The following WDR49 variants were observed in gnomAD, a reference collection of about 807,000 sequenced individuals.
WDR49 encodes the protein WD repeat domain 49, also known as cilia- and flagella-associated protein 337.
Under a neutral mutation model 119.5 loss-of-function variants are expected in WDR49, and 107 were observed. The ratio of observed to expected loss-of-function variants is 0.90; its 90% CI spans 0.77 to 1.05. The LOEUF is 1.05. Ranked by LOEUF, WDR49 falls within the 50% of genes least tolerant of loss-of-function variation. WDR49 has a pLI of 0.00. For synonymous variants in WDR49, 425 were observed against 418.8 expected (o/e 1.01, Z -0.18); for missense variants, 1,240 against 1,220.5 (o/e 1.02, Z -0.24).
intron 3 of WDR49, among the ~76,000 whole-genome samples, chr3:167,622,393 A>G (rs188589127): frequency 1.3e-5 from 2 of 152,154 alleles, no homozygotes; most frequent in East Asian, 3.9e-4. Flanking sequence ...AAAGAAAGAA[A>G]GAAACAAATG....
intron 15 of WDR49, among the ~76,000 whole-genome samples, chr3:167,523,789 C>G (rs1383716869): frequency 6.6e-6 from 1 of 152,108 alleles, no homozygotes; most frequent in African/African-American, 2.4e-5. Flanking sequence ...TTTTTCTGGT[C>G]TATCATTGAT....
At chr3:167,607,666 A>C (rs1266621285) in intron 5 of WDR49, among the ~76,000 whole-genome samples, 1 of 152,088 alleles carries the variant, frequency 6.6e-6, no homozygotes, top group Non-Finnish European at 1.5e-5. Context: ...CGTCTTTTTT[A>C]CTAAGCCTCA....
intron 2 of WDR49, among the ~76,000 whole-genome samples, chr3:167,633,201 G>A (rs1717454190): frequency 6.6e-6 from 1 of 151,738 alleles, no homozygotes; most frequent in Non-Finnish European, 1.5e-5. Context: ...AGTTCTTAGA[G>A]ATTTCTTAGG....
chr3:167,620,550 A>G lies in WDR49; in HGVS notation c.837T>C (p.Ala279=). ...AALISLFERP[A]SACEDGEATM... ...TGGCTTCTCCATCTTCACATGCACT[A>G]GCAGGCCGTTCAAACAGGGAAATCA... is the stretch of plus-strand genomic sequence containing the variant. The change falls in exon 5 of 19, where the codon GCT becomes GCC. Residue 279 remains alanine, a synonymous_variant. Transcript: ENST00000682715. The G allele has an allele frequency of 6.5e-7, 1 of 1,535,652 alleles. No homozygotes were observed. Among genetic ancestry groups the G allele is most frequent in the Non-Finnish European group, 8.7e-7 (1 of 1,146,574 alleles).
At chr3:167,494,105 C>T (rs2108202248) in intron 18 of WDR49, among the ~76,000 whole-genome samples, 1 of 152,258 alleles carries the variant, frequency 6.6e-6, no homozygotes, top group Non-Finnish European at 1.5e-5. Flanking sequence ...GGTTAGTGTG[C>T]TAGCTATTGT....
intron 13 of WDR49, 31 bp downstream of exon 13, chr3:167,531,084 A>T: frequency 8.8e-6 from 14 of 1,592,468 alleles, no homozygotes; most frequent in Non-Finnish European, 1.2e-5. Flanking sequence ...TCCCTTTCCA[A>T]CTATATGTAA....
intron 8 of WDR49, among the ~76,000 whole-genome samples, chr3:167,562,572 T>C (rs1713329498): frequency 6.6e-6 from 1 of 152,260 alleles, no homozygotes; most frequent in Non-Finnish European, 1.5e-5. Flanking sequence ...TACTGTGTAA[T>C]TTCTAAGACC....
chr3:167,602,983 G>A (rs1260479593), intron 6 of WDR49, among the ~76,000 whole-genome samples: 1 of 152,102 alleles, frequency 6.6e-6, no homozygotes, highest in Admixed American at 6.6e-5. Context: ...ATCTCTTTGT[G>A]TAAGTACACT....
intron 15 of WDR49, among the ~76,000 whole-genome samples, chr3:167,524,478 C>T (rs1560267882): frequency 6.6e-6 from 1 of 152,064 alleles, no homozygotes; most frequent in Admixed American, 6.6e-5. Context: ...GATGTCTTTG[C>T]CCATGCCTAT....
chr3:167,656,709 T>C (rs913110430), upstream of WDR49, among the ~76,000 whole-genome samples: 1 of 152,248 alleles, frequency 6.6e-6, no homozygotes, highest in African/African-American at 2.4e-5. Context: ...TAAATGGCTC[T>C]AACCTTCTCT....
intron 2 of WDR49, among the ~76,000 whole-genome samples, chr3:167,646,629 T>G (rs1012427687): frequency 3.3e-5 from 5 of 152,224 alleles, no homozygotes; most frequent in Non-Finnish European, 5.9e-5. Flanking sequence ...CTTTATTTTA[T>G]GAAATTCTTA....
At chr3:167,486,186 G>A (rs1291773502) in intron 18 of WDR49, among the ~76,000 whole-genome samples, 2 of 151,978 alleles carry the variant, frequency 1.3e-5, no homozygotes, top group Non-Finnish European at 2.9e-5. Context: ...ATCTTTCTCA[G>A]ACAAGCAAAT....
intron 18 of WDR49, among the ~76,000 whole-genome samples, chr3:167,499,018 G>A (rs796867829): frequency 9.2e-5 from 14 of 152,230 alleles, no homozygotes; most frequent in African/African-American, 2.4e-4. Flanking sequence ...TTATGGCTTC[G>A]TTTTTAAGAG....
intron 5 of WDR49, among the ~76,000 whole-genome samples, chr3:167,610,707 G>A (rs1716298312): frequency 6.6e-6 from 1 of 152,212 alleles, no homozygotes. Flanking sequence ...CAGTAGCCAG[G>A]TAGTGATTAA....
chr3:167,502,412 C>A (rs1186780692), intron 17 of WDR49, among the ~76,000 whole-genome samples: 1 of 152,130 alleles, frequency 6.6e-6, no homozygotes, highest in African/African-American at 2.4e-5. Context: ...TGAAAACGTG[C>A]AAGTGGCTTT....
intron 10 of WDR49, among the ~76,000 whole-genome samples, chr3:167,537,678 GC>G (rs1711542476): frequency 6.6e-6 from 1 of 152,144 alleles, no homozygotes; most frequent in African/African-American, 2.4e-5. Flanking sequence ...AGAATGAAAT[GC>G]CTTGTGCCTG....
chr3:167,628,977 G>T (rs1462770648), intron 2 of WDR49, among the ~76,000 whole-genome samples: 6 of 152,072 alleles, frequency 3.9e-5, no homozygotes, highest in Non-Finnish European at 5.9e-5. Flanking sequence ...GCTAAATCTG[G>T]CTGGGCACAG....
intron 18 of WDR49, among the ~76,000 whole-genome samples, chr3:167,479,474 G>A (rs898838964): frequency 5.3e-5 from 8 of 152,138 alleles, no homozygotes; most frequent in African/African-American, 1.4e-4. Context: ...TTCCATGAGT[G>A]GTTATATTGC....
chr3:167,522,417 T>A lies in WDR49; in HGVS notation c.2672A>T (p.Glu891Val). 1 of 1,611,922 alleles carries A rather than the reference T, an allele frequency of 6.2e-7. No homozygotes were observed. Among genetic ancestry groups the A allele is most frequent in the Non-Finnish European group, 8.5e-7 (1 of 1,179,308 alleles). ...AAATAAAGAAATTTCCTTTTGAATCTCACTTTCCACTAAATTAGTATCTCT... is the reference window on the plus strand; with the variant it reads ...AAATAAAGAAATTTCCTTTTGAATCACACTTTCCACTAAATTAGTATCTCT... ...PKRDTNLVES[E>V]IQKEISLFSK... The change falls in exon 16 of 19, where the codon GAG becomes GTG. Residue 891 changes from glutamate to valine, a missense_variant. Glu to Val is a moderately radical substitution (Grantham distance 121, BLOSUM62 -2). Transcript: ENST00000682715.
Sources: gnomAD v4.1 joint callset for allele counts (sites outside exome capture counted in the v4.1 genomes callset) on GRCh38, gnomAD v4.1.1 for gene constraint, MANE v1.5 for transcripts, NCBI Gene and HGNC (gene_info 2026-07-23, HGNC 2026-07-21) for gene names.